MCOLN3: variants seen among roughly 807,000 people sequenced by gnomAD.
MCOLN3 encodes the protein mucolipin-3.
A neutral mutation model predicts 69.4 loss-of-function variants in MCOLN3; 62 were observed. The observed-to-expected ratio is 0.89, with a 90% CI of 0.73 to 1.10. MCOLN3 has a LOEUF of 1.10. MCOLN3 is among the 50% of genes least tolerant of loss of function. The pLI, the probability that MCOLN3 is intolerant of heterozygous loss-of-function variation, is 0.00. For missense variants in MCOLN3, 564 were observed against 656.4 expected (o/e 0.86, Z 1.54); for synonymous variants, 183 against 217.0 (o/e 0.84, Z 1.38).
intron 7 of MCOLN3, among the ~76,000 whole-genome samples, chr1:85,026,771 GA>G (rs1036136405): frequency 1.3e-5 from 2 of 148,246 alleles, no homozygotes; most frequent in African/African-American, 4.9e-5. Context: ...AAAAAAAAAA[GA>G]AAAATCACCA....
At chr1:85,043,425 G>A (rs559152595) in intron 2 of MCOLN3, among the ~76,000 whole-genome samples, 45 of 152,094 alleles carry the variant, frequency 3.0e-4, no homozygotes, top group African/African-American at 1.1e-3. Context: ...AGCTACTGAG[G>A]AGGCTGAGGC....
chr1:85,030,062 G>C (rs1035650128), intron 6 of MCOLN3: 4 of 152,228 alleles, frequency 2.6e-5, no homozygotes, highest in African/African-American at 9.6e-5. Flanking sequence ...CTCCTCATGA[G>C]GGATTGTAAG....
rs367581694 is a variant in MCOLN3 at position 85,045,195 on chromosome 1, G to A, written c.166C>T (p.Arg56Ter). The A allele has an allele frequency of 1.3e-5, 21 of 1,613,752 alleles. No homozygotes were observed. The African/African-American group carries it at 1.7e-4, about 13-fold the overall frequency. ...GCAAGTTTCCATGGTTTTCTACCTC[G>A]AGCCCAGAACTTCTCACAGGGATTC... is the stretch of plus-strand genomic sequence containing the variant. ...FMNPCEKFWARGRKPWKLAIQ... is the reference protein window; with the variant it reads ...FMNPCEKFWA Residue 56 changes from arginine (R) to a stop codon, truncating the protein, a stop_gained, in exon 2 of 13, where the codon CGA (arginine) becomes TGA (stop). Transcript: ENST00000370589. LOFTEE classifies it high-confidence loss of function.
Position 85,022,373 on chromosome 1 carries a change from T to C in MCOLN3, c.1123A>G (p.Ile375Val), listed in dbSNP as rs755027668. The change falls in exon 10 of 13, where the codon ATA (isoleucine) becomes GTA (valine). Residue 375 changes from isoleucine (I) to valine (V), a missense_variant. Transcript: ENST00000370589. ...AGCATGGTAGAAGTCCCAAGAAGTA[T>C]GCTACAGACATCATAACTAGTTAGA... ...KSLTSYDVCS[I>V]LLGTSTMLVW... 6.8e-6 allele frequency: 11 copies of C among 1,612,388 alleles called. No individual in the cohort carries two copies. The highest frequency in any genetic ancestry group is 1.3e-5 in the African/African-American group (1 of 74,850).
chr1:85,031,659 A>G lies in MCOLN3; in HGVS notation c.732+1037T>C, dbSNP rs1652527163. 2.0e-5 allele frequency among the ~76,000 whole-genome samples: 3 copies of G among 152,216 alleles called. 1 individual carries two copies. The highest frequency in any genetic ancestry group is 4.1e-4 in the South Asian group (2 of 4,832). On this transcript the variant is annotated intron_variant, in intron 6 of 12. Coordinates refer to ENST00000370589, the MANE Select transcript of MCOLN3 (RefSeq NM_018298.11). ...GCCCTTCAGGCAGAAGGAAAATAATACCAGATACAAACTGGGAGCTACACA... is the reference window on the plus strand; with the variant it reads ...GCCCTTCAGGCAGAAGGAAAATAATGCCAGATACAAACTGGGAGCTACACA...
intron 3 of MCOLN3, among the ~76,000 whole-genome samples, chr1:85,037,959 T>G (rs1473330160): frequency 6.6e-6 from 1 of 152,142 alleles, no homozygotes; most frequent in African/African-American, 2.4e-5. Context: ...AAAAACACAT[T>G]AAATGTCCTT....
At chr1:85,022,045 C>T (rs753222610) in intron 11 of MCOLN3, 25 bp downstream of exon 11, 2 of 1,602,242 alleles carry the variant, frequency 1.2e-6, no homozygotes, top group Non-Finnish European at 1.7e-6. Flanking sequence ...TTAATAGTAA[C>T]AGGAAAAAAG....
intron 7 of MCOLN3, among the ~76,000 whole-genome samples, chr1:85,027,284 A>G (rs750601188): frequency 6.6e-6 from 1 of 152,206 alleles, no homozygotes; most frequent in Non-Finnish European, 1.5e-5. Context: ...ACAATAGCTA[A>G]CATGTATTGA....
chr1:85,041,042 C>T lies in MCOLN3; in HGVS notation c.364G>A (p.Val122Met), dbSNP rs140930262. The stretch of plus-strand genomic sequence containing the variant: ...ACTGCGAAGATTAACTGATCATACA[C>T]GTCACTTTGTGTGTACACTGCATAT... ...DTYAVYTQSD[V>M]YDQLIFAVNQ... The change falls in exon 3 of 13, where the codon GTG (valine) becomes ATG (methionine). Residue 122 changes from valine (V) to methionine (M), a missense_variant. By Grantham distance (21) the Val-to-Met change is conservative. Transcript: ENST00000370589. 62 of 1,613,706 alleles carry T rather than the reference C, an allele frequency of 3.8e-5. No homozygotes were observed. The East Asian group carries it at 8.9e-4, about 23-fold the overall frequency.
intron 2 of MCOLN3, 23 bp from the exon 3 acceptor site, chr1:85,041,200 G>T (rs1653046030): frequency 6.3e-7 from 1 of 1,597,174 alleles, no homozygotes; most frequent in Middle Eastern, 1.7e-4. Flanking sequence ...AAAAGAAAAG[G>T]TAAGAGGGTG....
In MCOLN3 at chr1:85,045,988, AC is replaced by A. The variant is rs368614398; in HGVS notation, c.-2-627del. 2.0e-3 allele frequency among the ~76,000 whole-genome samples: 303 copies of A among 152,282 alleles called. 1 individual carries two copies. Among genetic ancestry groups the A allele is most frequent in the African/African-American group, 6.7e-3 (280 of 41,548 alleles). Reference sequence around the variant, plus strand: ...CAGCAAAATGGGAATAACTACACCTACCCTTCTATGATTGTAGCCAGAATTA... The same window carrying A: ...CAGCAAAATGGGAATAACTACACCTACCTTCTATGATTGTAGCCAGAATTA... On this transcript the variant is annotated intron_variant, in intron 1 of 12. Transcript: ENST00000370589.
chr1:85,047,357 C>CACTTTTAA (rs1653411081), intron 1 of MCOLN3: 1 of 152,244 alleles, frequency 6.6e-6, no homozygotes, highest in Non-Finnish European at 1.5e-5. Context: ...TCCGAGGGTG[C>CACTTTTAA]ACTTTTAAAA....
rs2102932822 is a variant in MCOLN3, at chr1:85,034,236, T to C, written c.412A>G (p.Asn138Asp). ...FAVNQYLQLY[N>D]VSVGNHAYEN... ...TAAGCATGATTCCCAACGGAGACAT[T>C]GTATAGCTGCAAGTACTTCAACCAA... The change falls in exon 4 of 13, where the codon AAT (asparagine) becomes GAT (aspartate). Residue 138 changes from asparagine to aspartate, a missense_variant. Coordinates refer to ENST00000370589, the MANE Select transcript of MCOLN3 (RefSeq NM_018298.11). 6.2e-7 allele frequency: 1 copy of C among 1,614,130 alleles called. No homozygotes were observed. The highest frequency in any genetic ancestry group is 1.7e-5 in the Admixed American group (1 of 60,024).
In MCOLN3 at chr1:85,018,219, A is replaced by C. The variant is rs182060334; in HGVS notation, c.*904T>G. 1.3e-5 allele frequency: 2 copies of C among 152,376 alleles called. No homozygotes were observed. The highest frequency in any genetic ancestry group is 4.8e-5 in the African/African-American group (2 of 41,588). The allele number at this position is 152,376 out of a possible 1,614,324, so 9.4% of individuals were successfully genotyped here. ...CTCTTAAGAACTAAAAGCAGAATCA[A>C]GTAACAGTTGGCTTTCATAACCAAA... On this transcript the variant is annotated 3_prime_UTR_variant, in exon 13 of 13. Coordinates refer to ENST00000370589, the MANE Select transcript of MCOLN3 (RefSeq NM_018298.11).
chr1:85,022,112 G>C lies in MCOLN3; in HGVS notation c.1278C>G (p.Tyr426Ter). The C allele has an allele frequency of 6.2e-7, 1 of 1,614,176 alleles. No homozygotes were observed. Among genetic ancestry groups the C allele is most frequent in the Non-Finnish European group, 8.5e-7 (1 of 1,179,996 alleles). The change falls in exon 11 of 13, where the codon TAC (tyrosine) becomes TAG (stop). Residue 426 changes from tyrosine (Y) to a stop codon, truncating the protein, a stop_gained. Coordinates refer to ENST00000370589, the MANE Select transcript of MCOLN3 (RefSeq NM_018298.11). LOFTEE classifies it high-confidence loss of function. ...CCCAAMIYLG[Y>*]CFCGWIVLGP... ...CCAGCACGATCCATCCACAGAAGCAGTAACCTAAGTAAATCATAGCTGCAC... is the reference window on the plus strand; with the variant it reads ...CCAGCACGATCCATCCACAGAAGCACTAACCTAAGTAAATCATAGCTGCAC...
intron 9 of MCOLN3, among the ~76,000 whole-genome samples, chr1:85,023,817 C>A (rs12735211): frequency 0.06 from 9,179 of 152,174 alleles, 387 homozygotes; most frequent in Admixed American, 0.11. Flanking sequence ...TGTGAGGGAA[C>A]CAGCAAAGTC....
chr1:85,043,889 A>C (rs1653207229), intron 2 of MCOLN3, among the ~76,000 whole-genome samples: 1 of 150,194 alleles, frequency 6.7e-6, no homozygotes, highest in Non-Finnish European at 1.5e-5. Flanking sequence ...CCCAGGCTGG[A>C]GTGCAGTGGT....
At chr1:85,019,376 C>T in intron 12 of MCOLN3, 119 bp from the exon 13 acceptor site, 1 of 931,050 alleles carries the variant, frequency 1.1e-6, no homozygotes, top group Non-Finnish European at 1.6e-6. Flanking sequence ...AGTATCGTTA[C>T]TCCTGAGTAC....
chr1:85,019,923 A>T (rs1042186164), intron 12 of MCOLN3, among the ~76,000 whole-genome samples: 2 of 152,188 alleles, frequency 1.3e-5, no homozygotes, highest in Non-Finnish European at 2.9e-5. Flanking sequence ...ATTAGAAAGG[A>T]TCAGAAGTAA....
Sources: gnomAD v4.1 joint callset for allele counts (sites outside exome capture counted in the v4.1 genomes callset) on GRCh38, gnomAD v4.1.1 for gene constraint, MANE v1.5 for transcripts, NCBI Gene and HGNC (gene_info 2026-07-23, HGNC 2026-07-21) for gene names.